The following OLFM3 variants were observed in gnomAD, a reference collection of about 807,000 sequenced individuals.
OLFM3 encodes the protein olfactomedin 3, also known as noelin-3.
OLFM3 carries 20 observed loss-of-function variants against 48.6 expected under a neutral mutation model. The ratio of observed to expected loss-of-function variants is 0.41; its 90% CI spans 0.29 to 0.60. The LOEUF (loss-of-function observed/expected upper bound fraction) is 0.60, where lower values mean the gene tolerates loss of function less well. OLFM3 is among the 20% of genes least tolerant of loss of function. OLFM3 has a pLI of 0.28. For synonymous variants in OLFM3, 222 were observed against 198.1 expected (o/e 1.12, Z -1.01); for missense variants, 437 against 544.3 (o/e 0.80, Z 1.96).
intron 1 of OLFM3, among the ~76,000 whole-genome samples, chr1:101,961,458 AGAGAT>A (rs1660465437): frequency 6.6e-6 from 1 of 152,046 alleles, no homozygotes; most frequent in Non-Finnish European, 1.5e-5. Context: ...GAAAAAGAGT[AGAGAT>A]ATTTTTTATT....
Position 101,804,581 on chromosome 1 carries a change from T to C in OLFM3, c.1034A>G (p.Asn345Ser), listed in dbSNP as rs1438682716. ...GLWAVYATNQ[N>S]AGNIVISQLN... The stretch of plus-strand genomic sequence containing the variant: ...TTGGCTGATGACAATATTGCCTGCA[T>C]TCTGGTTAGTTGCATACACAGCCCA... The change falls in exon 6 of 6, where the codon AAT becomes AGT. Residue 345 changes from asparagine (N) to serine (S), a missense_variant. By Grantham distance (46) the Asn-to-Ser change is conservative. Transcript: ENST00000370103. The surrounding 1 kb of genome is among the most constrained non-coding windows in gnomAD (Gnocchi z 4.5). 1 of 1,612,452 alleles carries C rather than the reference T, an allele frequency of 6.2e-7. No homozygotes were observed. Among genetic ancestry groups the C allele is most frequent in the Non-Finnish European group, 8.5e-7 (1 of 1,179,144 alleles).
intron 1 of OLFM3, among the ~76,000 whole-genome samples, chr1:101,988,898 G>C (rs1380976426): frequency 2.0e-5 from 3 of 152,010 alleles, no homozygotes; most frequent in Non-Finnish European, 4.4e-5. Context: ...AGAGTGATTA[G>C]GAATTGTTTT....
At chr1:101,909,916 A>C (rs1415064138) in intron 1 of OLFM3, 18 of 966,338 alleles carry the variant, frequency 1.9e-5, no homozygotes, top group Non-Finnish European at 2.2e-5. Context: ...CTTTCAAGGC[A>C]GACTTGGTGT....
intron 1 of OLFM3, among the ~76,000 whole-genome samples, chr1:101,939,913 C>T (rs1659735555): frequency 6.6e-6 from 1 of 152,066 alleles, no homozygotes; most frequent in South Asian, 2.1e-4. Context: ...AGTGCTTATC[C>T]TTCCATTATA....
intron 1 of OLFM3, among the ~76,000 whole-genome samples, chr1:101,880,104 G>A (rs937920992): frequency 3.3e-5 from 5 of 151,790 alleles, no homozygotes; most frequent in African/African-American, 1.2e-4. Context: ...TTTCTTCACT[G>A]ATTACAACTT....
intron 1 of OLFM3, among the ~76,000 whole-genome samples, chr1:101,935,847 C>T (rs78817965): frequency 0.07 from 10,611 of 151,966 alleles, 434 homozygotes; most frequent in South Asian, 0.14. Flanking sequence ...TGATTCATCT[C>T]ATAAATAGAA....
chr1:101,857,683 C>T (rs1286802034), intron 1 of OLFM3, among the ~76,000 whole-genome samples: 1 of 151,152 alleles, frequency 6.6e-6, no homozygotes, highest in Non-Finnish European at 1.5e-5. Flanking sequence ...ACCTCTTTGT[C>T]TCCTTTTCTT....
chr1:101,835,417 A>G (rs1570540806), intron 2 of OLFM3, among the ~76,000 whole-genome samples: 1 of 152,114 alleles, frequency 6.6e-6, no homozygotes, highest in Non-Finnish European at 1.5e-5. Context: ...CAGGTTCAAG[A>G]GATTCTCCTG....
At chr1:101,875,457 A>G (rs1202719620) in intron 1 of OLFM3, among the ~76,000 whole-genome samples, 1 of 151,980 alleles carries the variant, frequency 6.6e-6, no homozygotes, top group Non-Finnish European at 1.5e-5. Context: ...ATAATAGGAG[A>G]AACTATGTGC....
intron 1 of OLFM3, chr1:101,882,734 G>C (rs572267579): frequency 1.3e-5 from 2 of 151,816 alleles, no homozygotes; most frequent in Admixed American, 1.3e-4. Context: ...TGCCCCAGAT[G>C]TAATTGCCAG....
At chr1:101,890,813 T>C (rs1165688043) in intron 1 of OLFM3, among the ~76,000 whole-genome samples, 1 of 151,890 alleles carries the variant, frequency 6.6e-6, no homozygotes, top group East Asian at 1.9e-4. Context: ...ATTATAAAAA[T>C]GAAATTCAAG....
chr1:101,864,826 G>A (rs539658026), intron 1 of OLFM3, among the ~76,000 whole-genome samples: 15 of 152,168 alleles, frequency 9.9e-5, no homozygotes, highest in African/African-American at 3.6e-4. Flanking sequence ...GTGCCAATAT[G>A]TCTCACTGAA....
intron 1 of OLFM3, among the ~76,000 whole-genome samples, chr1:101,985,472 T>C (rs2101114134): frequency 6.6e-6 from 1 of 152,334 alleles, no homozygotes; most frequent in Admixed American, 6.5e-5. Flanking sequence ...AGAAACTTTC[T>C]CATAATTATT....
chr1:101,814,111 A>G (rs573112800), intron 4 of OLFM3, among the ~76,000 whole-genome samples: 2 of 152,250 alleles, frequency 1.3e-5, no homozygotes, highest in South Asian at 2.1e-4. Flanking sequence ...TCTTTTGGCT[A>G]GTTGACTCTT....
rs138999097 is a variant in OLFM3, at chr1:101,856,896, T to C, written c.70-19871A>G. On this transcript the variant is annotated intron_variant, in intron 1 of 5. Coordinates refer to ENST00000370103, the MANE Select transcript of OLFM3 (RefSeq NM_058170.4). Reference sequence around the variant, plus strand: ...CTTGTAAGTACCTATAGGGATATAATGGAGGAGAAAAAGAAGAGGGAATTA... The same window carrying C: ...CTTGTAAGTACCTATAGGGATATAACGGAGGAGAAAAAGAAGAGGGAATTA... Among the ~76,000 whole-genome samples, 1,157 of 152,038 alleles carry C rather than the reference T, an allele frequency of 7.6e-3. 16 individuals are homozygous for C. The highest frequency in any genetic ancestry group is 0.047 in the South Asian group (227 of 4,824).
chr1:101,891,493 C>T (rs1354545404), intron 1 of OLFM3, among the ~76,000 whole-genome samples: 5 of 151,830 alleles, frequency 3.3e-5, no homozygotes, highest in Non-Finnish European at 5.9e-5. Flanking sequence ...TGATGAGCTG[C>T]TGATCACTAT....
At chr1:101,908,282 G>T (rs960061327) in intron 1 of OLFM3, among the ~76,000 whole-genome samples, 18 of 152,166 alleles carry the variant, frequency 1.2e-4, no homozygotes, top group African/African-American at 3.9e-4. Context: ...TATTGTTCTT[G>T]ATTATGCCAT....
chr1:101,880,709 T>G (rs1170665067), intron 1 of OLFM3, among the ~76,000 whole-genome samples: 1 of 151,850 alleles, frequency 6.6e-6, no homozygotes, highest in Non-Finnish European at 1.5e-5. Context: ...CCTGTACTAC[T>G]GATTATTAAG....
chr1:101,971,352 C>G (rs1247446311), intron 1 of OLFM3, among the ~76,000 whole-genome samples: 1 of 152,036 alleles, frequency 6.6e-6, no homozygotes, highest in Non-Finnish European at 1.5e-5. Context: ...TTGGGGTGGC[C>G]CTACGCTTTT....
Sources: allele counts gnomAD v4.1 joint callset (sites outside exome capture counted in the v4.1 genomes callset), GRCh38; gene constraint gnomAD v4.1.1; non-coding constraint Gnocchi (gnomAD v3.1); transcripts MANE v1.5; gene names NCBI Gene and HGNC (gene_info 2026-07-23, HGNC 2026-07-21).